SPRY3: variants seen among roughly 807,000 people sequenced by gnomAD.
SPRY3 encodes sprouty RTK signaling antagonist 3, also known as protein sprouty homolog 3.
SPRY3 carries 15 observed loss-of-function variants against 20.2 expected under a neutral mutation model. That is an observed-to-expected ratio of 0.74 (90% CI 0.50 to 1.14). The LOEUF is 1.14. SPRY3 is among the 50% of genes most tolerant of loss of function. The pLI is 0.00. For synonymous variants in SPRY3, 143 were observed against 136.5 expected (o/e 1.05, Z -0.33); for missense variants, 364 against 363.9 (o/e 1.00, Z 0.00).
intron 2 of SPRY3, among the ~76,000 whole-genome samples, chrX:155,684,155 T>C (rs73562839): frequency 1.3e-3 from 146 of 109,630 alleles, no homozygotes; most frequent in African/African-American, 4.7e-3. Context: ...TTTGAGGGGG[T>C]TGACAGGGAA....
chrX:155,711,788 T>A (rs2090988678), intron 2 of SPRY3, among the ~76,000 whole-genome samples: 3 of 151,418 alleles, frequency 2.0e-5, no homozygotes, highest in Admixed American at 2.0e-4. Context: ...TTAAGATGCA[T>A]CTTTAGGTTG....
chrX:155,703,646 G>A (rs1208726749), intron 2 of SPRY3, among the ~76,000 whole-genome samples: 2 of 137,380 alleles, frequency 1.5e-5, no homozygotes, highest in Admixed American at 7.5e-5. Context: ...GTTATTTCTT[G>A]CCTTCTGCTA....
intron 3 of SPRY3, among the ~76,000 whole-genome samples, chrX:155,769,070 A>G (rs1331391889): frequency 6.6e-6 from 1 of 152,240 alleles, no homozygotes; most frequent in Non-Finnish European, 1.5e-5. Context: ...ATAAATACAA[A>G]TAAGGCACAG....
chrX:155,716,994 ATATATATATATATATATAGCTG>A (rs1295997218), intron 2 of SPRY3, among the ~76,000 whole-genome samples: 2 of 131,436 alleles, frequency 1.5e-5, no homozygotes, highest in Non-Finnish European at 3.2e-5. Context: ...ATATATATAT[ATATATATATATATATATAGCTG>A]GGCGTGGCAG....
chrX:155,688,801 TTTTCCC>T (rs1569562625), intron 2 of SPRY3, among the ~76,000 whole-genome samples: 3 of 87,882 alleles, frequency 3.4e-5, no homozygotes, highest in East Asian at 3.4e-4. Flanking sequence ...CACCTAGCTC[TTTTCCC>T]TAATGCTCTC....
chrX:155,679,836 GT>G (rs886280497), intron 2 of SPRY3, among the ~76,000 whole-genome samples: 1 of 111,132 alleles, frequency 9.0e-6, no homozygotes, highest in African/African-American at 3.3e-5. Context: ...TGAATGAGAT[GT>G]TTACACTGAA....
At chrX:155,733,955 C>T (rs949934588) in intron 2 of SPRY3, among the ~76,000 whole-genome samples, 18 of 152,102 alleles carry the variant, frequency 1.2e-4, no homozygotes, top group Admixed American at 6.6e-5. Context: ...AGGCCTTGCT[C>T]TGGATTTGGC....
chrX:155,735,249 G>A (rs1381165285), intron 2 of SPRY3, among the ~76,000 whole-genome samples: 2 of 151,796 alleles, frequency 1.3e-5, no homozygotes, highest in East Asian at 3.9e-4. Context: ...AATTTGTTAA[G>A]GTGTGTTTTA....
intron 2 of SPRY3, among the ~76,000 whole-genome samples, chrX:155,727,824 G>A (rs757499825): frequency 1.4e-4 from 22 of 152,056 alleles, no homozygotes; most frequent in Admixed American, 2.6e-4. Context: ...GTCTTTTTCC[G>A]TCCAGCTTTG....
At chrX:155,758,725 CA>C (rs922382290) in intron 2 of SPRY3, among the ~76,000 whole-genome samples, 36 of 152,140 alleles carry the variant, frequency 2.4e-4, no homozygotes, top group Non-Finnish European at 4.7e-4. Context: ...TTTATAAAAA[CA>C]AAACATGACA....
At chrX:155,650,551 A>T (rs921360697) in intron 1 of SPRY3, among the ~76,000 whole-genome samples, 1 of 112,180 alleles carries the variant, frequency 8.9e-6, no homozygotes, top group Non-Finnish European at 1.9e-5. Context: ...CGTGTTCTGC[A>T]GTAATTGGAT....
In SPRY3 at chrX:155,725,280, C is replaced by CT. The variant is rs769023934; in HGVS notation, c.-281-42676dup. 3.8e-3 allele frequency among the ~76,000 whole-genome samples: 585 copies of CT among 152,158 alleles called. 1 individual carries two copies. The highest frequency in any genetic ancestry group is 0.013 in the African/African-American group (553 of 41,530). Reference sequence around the variant, plus strand: ...ATCAGGGATATTGGTCTAAAATTCTCTTTTTTGTTGTGCCTCTGCCAGGCT... The same window carrying CT: ...ATCAGGGATATTGGTCTAAAATTCTCTTTTTTTGTTGTGCCTCTGCCAGGCT... On this transcript the variant is annotated intron_variant, in intron 2 of 3. Transcript: ENST00000675360.
intron 2 of SPRY3, among the ~76,000 whole-genome samples, chrX:155,749,801 G>A (rs1229107562): frequency 1.3e-5 from 2 of 151,880 alleles, no homozygotes; most frequent in Non-Finnish European, 2.9e-5. Flanking sequence ...TTTTGTTGGA[G>A]AATGAAGAGC....
intron 2 of SPRY3, among the ~76,000 whole-genome samples, chrX:155,662,292 G>A (rs2068012258): frequency 9.0e-6 from 1 of 110,746 alleles, no homozygotes; most frequent in Non-Finnish European, 1.9e-5. Flanking sequence ...TGCTTTCAGG[G>A]GAACAGGACT....
At chrX:155,682,483 ATC>A (rs2068076480) in intron 2 of SPRY3, among the ~76,000 whole-genome samples, 1 of 111,868 alleles carries the variant, frequency 8.9e-6, no homozygotes, top group Non-Finnish European at 1.9e-5. Flanking sequence ...TTTTGTGTGG[ATC>A]CTCCTATGGT....
chrX:155,628,182 A>G (rs782696916), intron 1 of SPRY3, among the ~76,000 whole-genome samples: 1 of 112,055 alleles, frequency 8.9e-6, no homozygotes, highest in East Asian at 2.8e-4. Flanking sequence ...CAGTAATGGG[A>G]TTATTGGGTC....
chrX:155,733,911 C>A (rs2091151129), intron 2 of SPRY3, among the ~76,000 whole-genome samples: 2 of 152,080 alleles, frequency 1.3e-5, no homozygotes, highest in Admixed American at 1.3e-4. Context: ...TTTTCTTCTG[C>A]AGCTTCCTTG....
At chrX:155,754,328 C>T (rs1333224747) in intron 2 of SPRY3, among the ~76,000 whole-genome samples, 4 of 151,962 alleles carry the variant, frequency 2.6e-5, no homozygotes, top group African/African-American at 9.7e-5. Flanking sequence ...GTTGTTGCAG[C>T]ACCATTTGTT....
At chrX:155,707,376 A>C (rs2090959086) in intron 2 of SPRY3, among the ~76,000 whole-genome samples, 1 of 151,186 alleles carries the variant, frequency 6.6e-6, no homozygotes, top group Admixed American at 6.6e-5. Context: ...GAATTTATTG[A>C]GACTTGGTTT....
Sources: gnomAD v4.1 joint callset for allele counts (sites outside exome capture counted in the v4.1 genomes callset) on GRCh38, gnomAD v4.1.1 for gene constraint, MANE v1.5 for transcripts, NCBI Gene and HGNC (gene_info 2026-07-23, HGNC 2026-07-21) for gene names.